DNAH17: variants seen among roughly 807,000 people sequenced by gnomAD.
DNAH17 encodes axonemal beta dynein heavy chain 17.
DNAH17 carries 376 observed loss-of-function variants against 485.6 expected under a neutral mutation model. That is an observed-to-expected ratio of 0.77 (90% CI 0.71 to 0.84). The LOEUF (loss-of-function observed/expected upper bound fraction) is 0.84, where lower values mean the gene tolerates loss of function less well. Among genes scored for constraint, DNAH17 ranks in the 40% least tolerant of loss-of-function variants. The pLI is 0.00. For missense variants in DNAH17, 6,370 were observed against 5,839.3 expected (o/e 1.09, Z -2.96); for synonymous variants, 3,031 against 2,405.9 (o/e 1.26, Z -7.60).
At chr17:78,428,497 C>G in intron 77 of DNAH17, 28 bp downstream of exon 77, 1 of 1,565,040 alleles carries the variant, frequency 6.4e-7, no homozygotes, top group Non-Finnish European at 8.7e-7. Context: ...CCCTTCCTCT[C>G]GCTTGGGAGC....
Position 78,501,844 on chromosome 17 carries a change from C to A in DNAH17, c.5220G>T (p.Leu1740=). ...CGCCAGCGTTGAGGTTCCCCATGAG[C>A]AGCGTGATGAGTACGTTCAGCTGGC... ...QISQLNVLIT[L]LMGNLNAGDR... The change falls in exon 34 of 81, where the codon CTG becomes CTT. Residue 1740 remains leucine, a synonymous_variant. Coordinates refer to ENST00000389840, the MANE Select transcript of DNAH17 (RefSeq NM_173628.4). The A allele has an allele frequency of 6.2e-7, 1 of 1,614,020 alleles. No homozygotes were observed. The highest frequency in any genetic ancestry group is 8.5e-7 in the Non-Finnish European group (1 of 1,179,900).
At chr17:78,438,429 A>AG (rs530524190) in intron 73 of DNAH17, among the ~76,000 whole-genome samples, 2 of 4,972 alleles carry the variant, frequency 4.0e-4, no homozygotes, top group Admixed American at 3.3e-3. Flanking sequence ...GAGGAGAAGG[A>AG]GGAGGAGGAG....
At chr17:78,438,014 C>T (rs531100210) in intron 73 of DNAH17, 146 bp from the exon 74 acceptor site, 25 of 607,988 alleles carry the variant, frequency 4.1e-5, no homozygotes, top group Non-Finnish European at 7.1e-5. Context: ...TGCCCCACCC[C>T]TCACCTGTCC....
intron 25 of DNAH17, among the ~76,000 whole-genome samples, chr17:78,518,061 G>T (rs1352751327): frequency 2.6e-5 from 4 of 152,180 alleles, no homozygotes; most frequent in Non-Finnish European, 5.9e-5. Context: ...TCCTAAAAAT[G>T]TTAAAATAAA....
chr17:78,488,886 C>T (rs2089728049), intron 44 of DNAH17, among the ~76,000 whole-genome samples: 1 of 152,006 alleles, frequency 6.6e-6, no homozygotes, highest in Non-Finnish European at 1.5e-5. Flanking sequence ...CAAGGACCGC[C>T]GAGAGCCCCC....
chr17:78,500,208 A>T, intron 36 of DNAH17, 97 bp downstream of exon 36: 2 of 1,337,606 alleles, frequency 1.5e-6, no homozygotes, highest in South Asian at 3.0e-5. Flanking sequence ...GTATCCAGAG[A>T]TCTGGAGTTT....
rs11077375 is a variant in DNAH17, at chr17:78,495,112, G to T, written c.5904-15C>A. Reference sequence around the variant, plus strand: ...TGGCACAGGGCCTGGGGAGGTCAGCGGTGCCTGTGGGCTTCTGCCCACTCC... The same window carrying T: ...TGGCACAGGGCCTGGGGAGGTCAGCTGTGCCTGTGGGCTTCTGCCCACTCC... On this transcript the variant is annotated splice_polypyrimidine_tract_variant and intron_variant, in intron 38 of 80. Transcript: ENST00000389840. 6.3e-7 allele frequency: 1 copy of T among 1,586,964 alleles called. No homozygotes were observed. The highest frequency in any genetic ancestry group is 1.7e-5 in the Admixed American group (1 of 57,524).
chr17:78,537,312 C>A lies in DNAH17; in HGVS notation c.2846G>T (p.Arg949Met). Residue 949 changes from arginine to methionine, a missense_variant, in exon 19 of 81, where the codon AGG becomes ATG. Coordinates refer to ENST00000389840, the MANE Select transcript of DNAH17 (RefSeq NM_173628.4). The stretch of plus-strand genomic sequence containing the variant: ...GCCAGGACTGACCTTGTAGTTCATC[C>A]TGTCCTTGGCCAGCCGAGGGATGAG... ...ARLIPRLAKD[R>M]MNYKMDLEDN... 1 of 1,567,694 alleles carries A rather than the reference C, an allele frequency of 6.4e-7. No homozygotes were observed.
At chr17:78,441,302 G>C in intron 71 of DNAH17, 103 bp from the exon 72 acceptor site, 2 of 1,334,060 alleles carry the variant, frequency 1.5e-6, no homozygotes, top group African/African-American at 1.5e-5. Context: ...TTTTTTGGTG[G>C]ACTTTCTTCA....
At position 78,426,934 on chromosome 17, in the gene DNAH17, C is replaced by G; in HGVS notation, c.12763G>C (p.Gly4255Arg). Residue 4255 changes from glycine to arginine, a missense_variant, in exon 78 of 81, where the codon GGG (glycine) becomes CGG (arginine). Physicochemically the swap from Gly to Arg is moderately radical, Grantham distance 125 (BLOSUM62 -2). Coordinates refer to ENST00000389840, the MANE Select transcript of DNAH17 (RefSeq NM_173628.4). ...MRRSLKELNL[G>R]LKGELTITTD... Reference sequence around the variant, plus strand: ...GGCTGACCCATGTTTACCTTCAGCCCCAGGTTCAGCTCCTTGAGCGAACGG... The same window carrying G: ...GGCTGACCCATGTTTACCTTCAGCCGCAGGTTCAGCTCCTTGAGCGAACGG... 6.2e-7 allele frequency: 1 copy of G among 1,604,238 alleles called. No individual in the cohort carries two copies. Among genetic ancestry groups the G allele is most frequent in the Non-Finnish European group, 8.5e-7 (1 of 1,175,472 alleles).
chr17:78,454,839 C>T (rs775925358), intron 63 of DNAH17, 134 bp from the exon 64 acceptor site: 1 of 711,554 alleles, frequency 1.4e-6, no homozygotes, highest in Non-Finnish European at 2.3e-6. Context: ...GAGAAGCCAG[C>T]CATTTCCATC....
chr17:78,575,627 C>A (rs1460136277), intron 1 of DNAH17, among the ~76,000 whole-genome samples: 1 of 152,142 alleles, frequency 6.6e-6, no homozygotes, highest in Non-Finnish European at 1.5e-5. Flanking sequence ...CACCCTTTCT[C>A]CCTCCAGCCC....
At chr17:78,521,451 C>G (rs1339429823) in intron 25 of DNAH17, among the ~76,000 whole-genome samples, 1 of 152,034 alleles carries the variant, frequency 6.6e-6, no homozygotes, top group Non-Finnish European at 1.5e-5. Context: ...GACTTGTCTA[C>G]AAACATGCTG....
chr17:78,446,217 T>C (rs1163385959), intron 69 of DNAH17, among the ~76,000 whole-genome samples: 1 of 143,538 alleles, frequency 7.0e-6, no homozygotes, highest in Non-Finnish European at 1.5e-5. Flanking sequence ...TGTAACCATA[T>C]TTTAGTGTGC....
Position 78,486,141 on chromosome 17 carries a change from G to A in DNAH17, c.7102-8C>T, listed in dbSNP as rs372621939. ...CACTCGATAATCCACAAGCTGTTGAGACACAGAAGTAAAAATCAGGGCCCA... is the reference window on the plus strand; with the variant it reads ...CACTCGATAATCCACAAGCTGTTGAAACACAGAAGTAAAAATCAGGGCCCA... On this transcript the variant is annotated splice_polypyrimidine_tract_variant and splice_region_variant and intron_variant, in intron 45 of 80. Coordinates refer to ENST00000389840, the MANE Select transcript of DNAH17 (RefSeq NM_173628.4). 5 of 1,611,520 alleles carry A rather than the reference G, an allele frequency of 3.1e-6. No homozygotes were observed. The East Asian group carries it at 6.7e-5, about 22-fold the overall frequency.
At chr17:78,432,394 CA>C (rs2086706968) in intron 75 of DNAH17, among the ~76,000 whole-genome samples, 2 of 132 alleles carry the variant, frequency 0.015, no homozygotes, top group Admixed American at 0.17. Context: ...GACCGGCAGA[CA>C]GCAGAGGCTG....
chr17:78,480,013 C>G (rs112032596), intron 49 of DNAH17, among the ~76,000 whole-genome samples: 6 of 70,538 alleles, frequency 8.5e-5, no homozygotes, highest in African/African-American at 2.1e-4. Context: ...ACAACAAGTA[C>G]TTTTTTTTTT....
Position 78,559,764 on chromosome 17 carries a change from C to T in DNAH17, c.2031+976G>A, listed in dbSNP as rs149875963. Among the ~76,000 whole-genome samples the T allele has an allele frequency of 3.9e-5, 6 of 152,250 alleles. No individual in the cohort carries two copies. The East Asian group carries it at 1.2e-3, about 29-fold the overall frequency. ...CAAGTCCCTCTGTGGTCCATGGGGC[C>T]CTTCCTCGTCACCTCTCATCTCTTC... On this transcript the variant is annotated intron_variant, in intron 13 of 80. Coordinates refer to ENST00000389840, the MANE Select transcript of DNAH17 (RefSeq NM_173628.4).
chr17:78,429,143 A>T lies in DNAH17; in HGVS notation c.12383T>A (p.Ile4128Asn), dbSNP rs757348189. ...TACCTTGTAGTCCAGGTTGGGGGGGATCTGAAAGCCGGGGGCCAGCAGGAC... is the reference window on the plus strand; with the variant it reads ...TACCTTGTAGTCCAGGTTGGGGGGGTTCTGAAAGCCGGGGGCCAGCAGGAC... ...GDVLLAPGFQ[I>N]PPNLDYKGYH... The change falls in exon 76 of 81, where the codon ATC (isoleucine) becomes AAC (asparagine). Residue 4128 changes from isoleucine to asparagine, a missense_variant. Physicochemically the swap from Ile to Asn is moderately radical, Grantham distance 149. Transcript: ENST00000389840. 3.7e-6 allele frequency: 6 copies of T among 1,611,812 alleles called. No individual in the cohort carries two copies. The highest frequency in any genetic ancestry group is 1.7e-5 in the Admixed American group (1 of 59,826).
Sources: gnomAD v4.1 joint callset for allele counts (sites outside exome capture counted in the v4.1 genomes callset) on GRCh38, gnomAD v4.1.1 for gene constraint, MANE v1.5 for transcripts, NCBI Gene and HGNC (gene_info 2026-07-23, HGNC 2026-07-21) for gene names.